The following PHLDB2 variants were observed in gnomAD, a reference collection of about 807,000 sequenced individuals.
The protein encoded by PHLDB2 is pleckstrin homology-like domain family B member 2.
A neutral mutation model predicts 123.6 loss-of-function variants in PHLDB2; 71 were observed. That is an observed-to-expected ratio of 0.57 (90% CI 0.47 to 0.70). The LOEUF (loss-of-function observed/expected upper bound fraction) is 0.70, where lower values mean the gene tolerates loss of function less well. Ranked by LOEUF, PHLDB2 falls within the 30% of genes least tolerant of loss-of-function variation. The probability of loss-of-function intolerance (pLI) is 0.00; values close to 1 mark genes in which losing one functional copy is unlikely to be tolerated. For synonymous variants in PHLDB2, 547 were observed against 541.6 expected (o/e 1.01, Z -0.14); for missense variants, 1,446 against 1,519.5 (o/e 0.95, Z 0.80).
chr3:111,953,738 C>T (rs1037062313), intron 11 of PHLDB2, 192 bp from the exon 12 acceptor site: 1 of 465,652 alleles, frequency 2.1e-6, no homozygotes, highest in Non-Finnish European at 3.9e-6. Flanking sequence ...TTTGATATTG[C>T]GACTACCCTG....
intron 1 of PHLDB2, among the ~76,000 whole-genome samples, chr3:111,877,662 A>G (rs2065703410): frequency 6.6e-6 from 1 of 152,136 alleles, no homozygotes; most frequent in Admixed American, 6.5e-5. Context: ...CCTGAATGGT[A>G]TTGCCTAGGT....
chr3:111,951,339 T>G (rs1322569969), intron 10 of PHLDB2, among the ~76,000 whole-genome samples: 1 of 152,182 alleles, frequency 6.6e-6, no homozygotes, highest in Non-Finnish European at 1.5e-5. Context: ...ACAGGATTAT[T>G]ATAATAATTT....
At chr3:111,752,778 C>T (rs1476955333) in intron 1 of PHLDB2, among the ~76,000 whole-genome samples, 1 of 151,942 alleles carries the variant, frequency 6.6e-6, no homozygotes, top group Non-Finnish European at 1.5e-5. Context: ...AGGTATATCT[C>T]CTAATGCTAT....
At chr3:111,778,700 T>C (rs893325525) in intron 1 of PHLDB2, among the ~76,000 whole-genome samples, 2 of 151,972 alleles carry the variant, frequency 1.3e-5, no homozygotes, top group African/African-American at 4.8e-5. Context: ...AGCCTTAGAG[T>C]ATCTTGCTCA....
intron 5 of PHLDB2, among the ~76,000 whole-genome samples, chr3:111,922,170 A>G (rs4234406): frequency 0.87 from 132,232 of 152,302 alleles, 57,582 homozygotes; most frequent in Middle Eastern, 0.93. Context: ...CATAGGAATT[A>G]GGTATCATGT....
chr3:111,735,090 A>G (rs1941641882), intron 1 of PHLDB2, among the ~76,000 whole-genome samples: 1 of 152,218 alleles, frequency 6.6e-6, no homozygotes, highest in South Asian at 2.1e-4. Flanking sequence ...AGCCCCAACT[A>G]AAGTACAACA....
At chr3:111,885,457 C>T (rs1414430754) in intron 2 of PHLDB2, 45 bp downstream of exon 2, 2 of 1,612,240 alleles carry the variant, frequency 1.2e-6, no homozygotes, top group South Asian at 2.2e-5. Flanking sequence ...TTTCATTAAC[C>T]AGCATCTACA....
At chr3:111,932,524 G>T in intron 6 of PHLDB2, 127 bp downstream of exon 6, 1 of 966,740 alleles carries the variant, frequency 1.0e-6, no homozygotes, top group Non-Finnish European at 1.5e-6. Flanking sequence ...CATTAGATAC[G>T]TTTAAATGGA....
intron 1 of PHLDB2, among the ~76,000 whole-genome samples, chr3:111,780,769 G>T (rs1427921045): frequency 1.3e-5 from 2 of 152,018 alleles, no homozygotes; most frequent in East Asian, 3.9e-4. Flanking sequence ...TGTCCCCGTG[G>T]ATAGACCCAA....
At position 111,945,225 on chromosome 3, in the gene PHLDB2, C is replaced by T. The variant is rs375880581; in HGVS notation, c.2398-43C>T. Reference sequence around the variant, plus strand: ...AAGTCACCATGCTTCTCAGTTGCATCGAAGGTTGACTTTTAAGTTTAATAG... The same window carrying T: ...AAGTCACCATGCTTCTCAGTTGCATTGAAGGTTGACTTTTAAGTTTAATAG... On this transcript the variant is annotated intron_variant, in intron 8 of 17. Transcript: ENST00000431670. 2.7e-5 allele frequency: 36 copies of T among 1,341,940 alleles called. 1 individual carries two copies. The highest frequency in any genetic ancestry group is 3.6e-5 in the Non-Finnish European group (34 of 944,204). 83.1% of individuals were successfully genotyped at this position (1,341,940 alleles called of 1,614,324 possible). A position where few individuals can be genotyped will look rare whatever the true frequency, so the allele number is the denominator to read the frequency against.
At position 111,967,748 on chromosome 3, in the gene PHLDB2, G is replaced by A. The variant is rs980687982; in HGVS notation, c.3239G>A (p.Arg1080Gln). The A allele has an allele frequency of 4.3e-6, 7 of 1,612,830 alleles. No individual in the cohort carries two copies. The African/African-American group carries it at 6.7e-5, about 15-fold the overall frequency. The change falls in exon 15 of 18, where the codon CGA becomes CAA. Residue 1080 changes from arginine (R) to glutamine (Q), a missense_variant. Physicochemically the swap from Arg to Gln is conservative, Grantham distance 43. Around this residue, in one of 3 missense-constraint regions of PHLDB2, gnomAD observed 594 missense variants for 646.0 expected, o/e 0.92. Coordinates refer to ENST00000431670, the MANE Select transcript of PHLDB2 (RefSeq NM_001134438.2). ...EKRRREILEK[R>Q]LQEETSQRQK... Reference sequence around the variant, plus strand: ...CGACGCCGGGAAATCCTGGAAAAACGATTACAGGAAGAAACTAGCCAGAGG... The same window carrying A: ...CGACGCCGGGAAATCCTGGAAAAACAATTACAGGAAGAAACTAGCCAGAGG...
upstream of PHLDB2, among the ~76,000 whole-genome samples, chr3:111,858,755 C>T (rs1262884107): frequency 6.6e-6 from 1 of 152,148 alleles, no homozygotes; most frequent in Non-Finnish European, 1.5e-5. Context: ...GTTTGCGCTT[C>T]GTTGTGCTCT....
chr3:111,836,685 G>A (rs1195926678), intron 1 of PHLDB2, among the ~76,000 whole-genome samples: 1 of 152,184 alleles, frequency 6.6e-6, no homozygotes, highest in African/African-American at 2.4e-5. Context: ...CATGGCTGAG[G>A]AGGCCTCAGG....
rs761867423 is a variant in PHLDB2, at chr3:111,920,434, T to G, written c.2001+15T>G. ...AAAAGACCAAGGTAAAAGAAAATTA[T>G]ATTTCAATGCAGTTTTTATGGGCAA... On this transcript the variant is annotated intron_variant, in intron 5 of 17. Transcript: ENST00000431670. 18 of 1,610,514 alleles carry G rather than the reference T, an allele frequency of 1.1e-5. No individual in the cohort carries two copies. Among genetic ancestry groups the G allele is most frequent in the African/African-American group, 9.4e-5 (7 of 74,702 alleles).
At chr3:111,804,331 T>C (rs2061489843) in intron 1 of PHLDB2, among the ~76,000 whole-genome samples, 2 of 152,234 alleles carry the variant, frequency 1.3e-5, no homozygotes, top group South Asian at 4.1e-4. Flanking sequence ...ATTATTGAAT[T>C]CTTCTGAAGA....
intron 1 of PHLDB2, among the ~76,000 whole-genome samples, chr3:111,777,911 C>T (rs540087131): frequency 0.018 from 331 of 18,902 alleles, 1 homozygote; most frequent in Admixed American, 0.029. Context: ...TCATTACCCT[C>T]CCTTTTTTTT....
chr3:111,957,462 A>G (rs1480039670), intron 12 of PHLDB2: 1 of 152,454 alleles, frequency 6.6e-6, no homozygotes, highest in Non-Finnish European at 1.5e-5. Context: ...TGGCAGCTGC[A>G]TGACCCTCTT....
At chr3:111,902,347 C>T (rs951470464) in intron 2 of PHLDB2, among the ~76,000 whole-genome samples, 5 of 152,124 alleles carry the variant, frequency 3.3e-5, no homozygotes, top group Non-Finnish European at 7.3e-5. Context: ...AATGCCAGCA[C>T]TTTGGGAGGC....
chr3:111,887,060 T>C (rs1317849383), intron 2 of PHLDB2, among the ~76,000 whole-genome samples: 1 of 152,176 alleles, frequency 6.6e-6, no homozygotes, highest in Non-Finnish European at 1.5e-5. Context: ...TTCTATTTGC[T>C]CTTCTGTTCC....
Sources: allele counts gnomAD v4.1 joint callset (sites outside exome capture counted in the v4.1 genomes callset), GRCh38; gene constraint gnomAD v4.1.1; regional missense constraint gnomAD v4.1.1; transcripts MANE v1.5; gene names NCBI Gene and HGNC (gene_info 2026-07-23, HGNC 2026-07-21).